FMO5: variants seen among roughly 807,000 people sequenced by gnomAD.
The protein encoded by FMO5 is flavin containing dimethylaniline monoxygenase 5.
A neutral mutation model predicts 43.6 loss-of-function variants in FMO5; 51 were observed. The ratio of observed to expected loss-of-function variants is 1.17; its 90% CI spans 0.93 to 1.48. FMO5 has a LOEUF of 1.48. Among genes scored for constraint, FMO5 ranks in the 40% most tolerant of loss-of-function variants. The probability of loss-of-function intolerance (pLI) is 0.00; values close to 1 mark genes in which losing one functional copy is unlikely to be tolerated. For synonymous variants in FMO5, 187 were observed against 216.5 expected (o/e 0.86, Z 1.20); for missense variants, 644 against 643.0 (o/e 1.00, Z -0.02).
chr1:147,223,395 A>G (rs1663409997), intron 2 of FMO5, among the ~76,000 whole-genome samples: 1 of 152,250 alleles, frequency 6.6e-6, no homozygotes, highest in South Asian at 2.1e-4. Context: ...TTTCGGTTCA[A>G]CTAAGAAATG....
At chr1:147,200,366 G>T (rs894470) in intron 7 of FMO5, among the ~76,000 whole-genome samples, 1 of 151,914 alleles carries the variant, frequency 6.6e-6, no homozygotes, top group African/African-American at 2.4e-5. Context: ...GGCTTTTTCA[G>T]TTGTACTTCA....
chr1:147,193,756 C>T (rs1218513863), intron 7 of FMO5, among the ~76,000 whole-genome samples: 2 of 152,096 alleles, frequency 1.3e-5, no homozygotes, highest in Admixed American at 6.6e-5. Context: ...GCTTTCGTTT[C>T]GTTATGTACC....
At chr1:147,215,381 A>G in intron 3 of FMO5, 1 of 168,026 alleles carries the variant, frequency 6.0e-6, no homozygotes, top group Non-Finnish European at 1.3e-5. Context: ...AAAGTACAAA[A>G]GGGCTAAGCA....
intron 6 of FMO5, among the ~76,000 whole-genome samples, chr1:147,203,123 T>TTTC (rs1283373944): frequency 6.6e-6 from 1 of 151,798 alleles, no homozygotes; most frequent in Admixed American, 6.6e-5. Flanking sequence ...CCTTTTTTTT[T>TTTC]TTTGACAGTA....
chr1:147,198,156 C>T (rs1350751926), intron 7 of FMO5, among the ~76,000 whole-genome samples: 3 of 152,274 alleles, frequency 2.0e-5, no homozygotes, highest in Admixed American at 2.0e-4. Flanking sequence ...TTTAACATAA[C>T]TGGAAATTGG....
chr1:147,205,375 T>C (rs1036381966), intron 6 of FMO5, among the ~76,000 whole-genome samples: 1 of 152,186 alleles, frequency 6.6e-6, no homozygotes, highest in Non-Finnish European at 1.5e-5. Flanking sequence ...TACTGTGAGA[T>C]AAACTGACAT....
intron 6 of FMO5, 167 bp downstream of exon 6, chr1:147,208,685 C>T (rs587679118): frequency 4.4e-5 from 24 of 542,698 alleles, no homozygotes; most frequent in East Asian, 4.3e-4. Context: ...GTGATCCACC[C>T]GCCTCCGCCT....
At chr1:147,185,671 A>T (rs1655556572), downstream of FMO5, among the ~76,000 whole-genome samples, 1 of 152,194 alleles carries the variant, frequency 6.6e-6, no homozygotes, top group Non-Finnish European at 1.5e-5. Context: ...GTTCAGGTTT[A>T]TCCTGTTGTT....
chr1:147,187,330 T>C (rs1276613595), intron 8 of FMO5, 85 bp from the exon 9 acceptor site: 33 of 916,102 alleles, frequency 3.6e-5, no homozygotes, highest in Non-Finnish European at 5.1e-5. Context: ...TGCCTGCTAT[T>C]GGCTCAATAT....
chr1:147,222,231 G>A (rs144196664), intron 2 of FMO5, among the ~76,000 whole-genome samples: 5 of 152,274 alleles, frequency 3.3e-5, no homozygotes, highest in East Asian at 3.9e-4. Context: ...TTAGCAAGGC[G>A]TAGTAGTGCG....
intron 4 of FMO5, among the ~76,000 whole-genome samples, chr1:147,212,803 T>C (rs1379806065): frequency 6.6e-6 from 1 of 152,216 alleles, no homozygotes; most frequent in Non-Finnish European, 1.5e-5. Flanking sequence ...AAATATAAAC[T>C]GCCTCAGAAA....
At chr1:147,210,930 C>T (rs1660975343) in intron 5 of FMO5, 1 of 151,996 alleles carries the variant, frequency 6.6e-6, no homozygotes, top group Admixed American at 6.6e-5. Flanking sequence ...AAAGCATCTA[C>T]AAGAATTATA....
At chr1:147,212,957 C>T (rs182813035) in intron 4 of FMO5, among the ~76,000 whole-genome samples, 16 of 152,028 alleles carry the variant, frequency 1.1e-4, no homozygotes, top group Admixed American at 2.6e-4. Flanking sequence ...ATTCTTCAAG[C>T]TTTCATTCCT....
At position 147,201,453 on chromosome 1, in the gene FMO5, A is replaced by G. The variant is rs1553920970; in HGVS notation, c.882T>C (p.Ile294=). ...TTCCTTTCACTTTCACCAAGCCAGA[A>G]ATGATACGATTTGGCAGGTCATCAT... ...TLNDDLPNRI[I]SGLVKVKGNV... is the part of the protein sequence containing the mutation. Residue 294 remains isoleucine, a synonymous_variant, in exon 7 of 9, where the codon ATT becomes ATC. Coordinates refer to ENST00000254090, the MANE Select transcript of FMO5 (RefSeq NM_001461.4). 1.1e-5 allele frequency: 17 copies of G among 1,614,172 alleles called. No individual in the cohort carries two copies. Among genetic ancestry groups the G allele is most frequent in the Non-Finnish European group, 1.4e-5 (17 of 1,180,028 alleles).
chr1:147,198,243 C>A (rs1658346582), intron 7 of FMO5, among the ~76,000 whole-genome samples: 1 of 152,112 alleles, frequency 6.6e-6, no homozygotes, highest in African/African-American at 2.4e-5. Flanking sequence ...TACCTCAAGG[C>A]TAAACTGACA....
chr1:147,223,285 G>A (rs587651755), intron 2 of FMO5, among the ~76,000 whole-genome samples: 4 of 152,268 alleles, frequency 2.6e-5, no homozygotes, highest in Admixed American at 2.6e-4. Flanking sequence ...GATGATACAC[G>A]TATGCAGGTC....
intron 7 of FMO5, among the ~76,000 whole-genome samples, chr1:147,198,632 C>T (rs782135398): frequency 4.6e-5 from 7 of 151,662 alleles, no homozygotes; most frequent in African/African-American, 9.7e-5. Context: ...AGGCGGATCA[C>T]GAGGTCAAGA....
In FMO5 at chr1:147,213,299, G is replaced by A. The variant is rs1178936982; in HGVS notation, c.487+9C>T. 4 of 1,596,798 alleles carry A rather than the reference G, an allele frequency of 2.5e-6. No individual in the cohort carries two copies. Among genetic ancestry groups the A allele is most frequent in the Admixed American group, 1.7e-5 (1 of 58,736 alleles). The stretch of plus-strand genomic sequence containing the variant: ...GGTCAAGGGTCTTCCTTCCTGGTAA[G>A]CTGCTCACCAGGGAAGCTTTCCAGA... On this transcript the variant is annotated intron_variant, in intron 4 of 8. Coordinates refer to ENST00000254090, the MANE Select transcript of FMO5 (RefSeq NM_001461.4).
chr1:147,219,308 T>A (rs1162170252), intron 2 of FMO5, among the ~76,000 whole-genome samples: 3 of 152,192 alleles, frequency 2.0e-5, no homozygotes, highest in Non-Finnish European at 2.9e-5. Flanking sequence ...ATGTCTCTTT[T>A]GAGTATACTT....
Sources: allele counts gnomAD v4.1 joint callset (sites outside exome capture counted in the v4.1 genomes callset), GRCh38; gene constraint gnomAD v4.1.1; transcripts MANE v1.5; gene names NCBI Gene and HGNC (gene_info 2026-07-23, HGNC 2026-07-21).